Variants in RHOJ observed in about 807,000 individuals in gnomAD.
RHOJ encodes ras homolog family member J, also known as rho-related GTP-binding protein RhoJ.
A neutral mutation model predicts 23.4 loss-of-function variants in RHOJ; 11 were observed. The observed-to-expected ratio is 0.47, with a 90% CI of 0.30 to 0.78. The LOEUF (loss-of-function observed/expected upper bound fraction) is 0.78, where lower values mean the gene tolerates loss of function less well. Ranked by LOEUF, RHOJ falls within the 30% of genes least tolerant of loss-of-function variation. The pLI, the probability that RHOJ is intolerant of heterozygous loss-of-function variation, is 0.08. For missense variants in RHOJ, 254 were observed against 273.4 expected (o/e 0.93, Z 0.50); for synonymous variants, 102 against 102.7 (o/e 0.99, Z 0.04).
intron 1 of RHOJ, among the ~76,000 whole-genome samples, chr14:63,239,558 C>CA (rs1594761053): frequency 1.3e-5 from 2 of 152,232 alleles, no homozygotes; most frequent in East Asian, 3.8e-4. Flanking sequence ...CACATACTCA[C>CA]ATGGACTCCT....
chr14:63,219,173 C>T (rs1894429940), intron 1 of RHOJ, among the ~76,000 whole-genome samples: 1 of 152,126 alleles, frequency 6.6e-6, no homozygotes, highest in Non-Finnish European at 1.5e-5. Context: ...TCCAATTTTA[C>T]AGCCAGTATC....
intron 1 of RHOJ, among the ~76,000 whole-genome samples, chr14:63,236,577 A>G (rs1894793798): frequency 6.6e-6 from 1 of 152,158 alleles, no homozygotes; most frequent in African/African-American, 2.4e-5. Context: ...ACCTGCCCCC[A>G]TGATTCAGCC....
At chr14:63,284,464 A>C in intron 4 of RHOJ, 3 of 541,350 alleles carry the variant, frequency 5.5e-6, no homozygotes, top group Non-Finnish European at 7.1e-6. Flanking sequence ...CAGCTTACAG[A>C]TGAGGAAACA....
At chr14:63,270,419 G>GT (rs1895447339) in intron 2 of RHOJ, among the ~76,000 whole-genome samples, 1 of 152,140 alleles carries the variant, frequency 6.6e-6, no homozygotes, top group Non-Finnish European at 1.5e-5. Flanking sequence ...GCAGATGCCT[G>GT]TTTTGGTAAG....
At chr14:63,264,159 C>T (rs1228396849) in intron 1 of RHOJ, among the ~76,000 whole-genome samples, 1 of 151,976 alleles carries the variant, frequency 6.6e-6, no homozygotes, top group Non-Finnish European at 1.5e-5. Flanking sequence ...AGTTTTTCAA[C>T]CCATCCTTCC....
chr14:63,269,065 G>T (rs1319490160), intron 1 of RHOJ, 45 bp from the exon 2 acceptor site: 2 of 1,390,694 alleles, frequency 1.4e-6, no homozygotes, highest in Non-Finnish European at 2.0e-6. Context: ...ATTGAAGCTT[G>T]TGTTTATGGA....
At chr14:63,285,533 T>C (rs1418806578) in intron 4 of RHOJ, among the ~76,000 whole-genome samples, 2 of 152,222 alleles carry the variant, frequency 1.3e-5, no homozygotes, top group Non-Finnish European at 2.9e-5. Context: ...AAGGGTGTTT[T>C]ATTTTCAAAG....
At chr14:63,206,471 A>G (rs988792419) in intron 1 of RHOJ, among the ~76,000 whole-genome samples, 3 of 152,212 alleles carry the variant, frequency 2.0e-5, no homozygotes, top group African/African-American at 7.2e-5. Flanking sequence ...TCCTGAAACC[A>G]TCTTAGCAAA....
At chr14:63,290,765 A>C in intron 4 of RHOJ, 113 bp from the exon 5 acceptor site, 1 of 963,422 alleles carries the variant, frequency 1.0e-6, no homozygotes, top group Non-Finnish European at 1.5e-6. Context: ...AAACCACCCC[A>C]CAGGCTGTTT....
At chr14:63,284,590 T>A (rs1882020193) in intron 4 of RHOJ, among the ~76,000 whole-genome samples, 1 of 152,212 alleles carries the variant, frequency 6.6e-6, no homozygotes, top group South Asian at 2.1e-4. Context: ...CTGTGTATCT[T>A]TCCTTGGGTG....
rs1477391738 is a variant in RHOJ, at chr14:63,293,326, C to T, written c.*2302C>T. On this transcript the variant is annotated 3_prime_UTR_variant, in exon 5 of 5. Transcript: ENST00000316754. ...TATGTTTCCAGGTGTGTGCACTCAA[C>T]AGGCAAATAGCTCCCGAGGTCACCA... 6.6e-6 allele frequency: 1 copy of T among 152,190 alleles called. No homozygotes were observed. The highest frequency in any genetic ancestry group is 1.5e-5 in the Non-Finnish European group (1 of 68,038). The allele number at this position is 152,190 out of a possible 1,614,324, so 9.4% of individuals were successfully genotyped here.
chr14:63,214,756 G>A (rs1348227242), intron 1 of RHOJ, among the ~76,000 whole-genome samples: 1 of 152,132 alleles, frequency 6.6e-6, no homozygotes, highest in Non-Finnish European at 1.5e-5. Context: ...GCAGTAAGGA[G>A]ACTAACCTTA....
chr14:63,234,276 G>A (rs1048695055), intron 1 of RHOJ, among the ~76,000 whole-genome samples: 12 of 152,112 alleles, frequency 7.9e-5, no homozygotes, highest in East Asian at 1.9e-4. Context: ...CCTTATCTGC[G>A]CCTTTATTAC....
chr14:63,231,599 C>A (rs74935996), intron 1 of RHOJ, among the ~76,000 whole-genome samples: 4,298 of 152,240 alleles, frequency 0.028, 210 homozygotes, highest in African/African-American at 0.098. Context: ...AAACACTCAG[C>A]TCGGTATTGC....
intron 1 of RHOJ, among the ~76,000 whole-genome samples, chr14:63,266,539 A>G (rs183038007): frequency 2.6e-3 from 389 of 152,278 alleles, no homozygotes; most frequent in Middle Eastern, 0.01. Context: ...CATTCTAACA[A>G]TGTTGATTCT....
chr14:63,210,875 A>G (rs1379117557), intron 1 of RHOJ, among the ~76,000 whole-genome samples: 2 of 152,118 alleles, frequency 1.3e-5, no homozygotes, highest in Non-Finnish European at 2.9e-5. Context: ...CCTCTGTATT[A>G]TTTTGTCTGT....
chr14:63,210,435 G>A (rs1894210512), intron 1 of RHOJ, among the ~76,000 whole-genome samples: 1 of 152,224 alleles, frequency 6.6e-6, no homozygotes, highest in East Asian at 1.9e-4. Flanking sequence ...ATATTTCAGA[G>A]TAACCCTAAG....
rs1307480238 is a variant in RHOJ at position 63,219,389 on chromosome 14, CT to C, written c.178+14352del. Reference sequence around the variant, plus strand: ...TGGTGACTTCAGAGGATTTAATGCACTTTTTTTTTTCATTTCATGGTTGTTA... The same window carrying C: ...TGGTGACTTCAGAGGATTTAATGCACTTTTTTTTTCATTTCATGGTTGTTA... On this transcript the variant is annotated intron_variant, in intron 1 of 4. Coordinates refer to ENST00000316754, the MANE Select transcript of RHOJ (RefSeq NM_020663.5). Among the ~76,000 whole-genome samples, 16 of 149,440 alleles carry C rather than the reference CT, an allele frequency of 1.1e-4. No individual in the cohort carries two copies. The South Asian group carries it at 1.7e-3, about 16-fold the overall frequency.
chr14:63,293,214 T>C lies in RHOJ; in HGVS notation c.*2190T>C, dbSNP rs536513755. The C allele has an allele frequency of 5.3e-5, 8 of 152,364 alleles. No homozygotes were observed. The highest frequency in any genetic ancestry group is 1.9e-4 in the African/African-American group (8 of 41,586). 9.4% of individuals were successfully genotyped at this position (152,364 alleles called of 1,614,324 possible). On this transcript the variant is annotated 3_prime_UTR_variant, in exon 5 of 5. Transcript: ENST00000316754. ...AGTCCTGTAATAAATGAAATGTTAT[T>C]AGGCAGCTTTGTTGCATGATTGCAT... is the stretch of plus-strand genomic sequence containing the variant.
Sources: gnomAD v4.1 joint callset for allele counts (sites outside exome capture counted in the v4.1 genomes callset) on GRCh38, gnomAD v4.1.1 for gene constraint, MANE v1.5 for transcripts, NCBI Gene and HGNC (gene_info 2026-07-23, HGNC 2026-07-21) for gene names.